The following MAP3K7 variants were observed in gnomAD, a reference collection of about 807,000 sequenced individuals.
MAP3K7 encodes TGF-beta activated kinase 1.
Under a neutral mutation model 84.8 loss-of-function variants are expected in MAP3K7, and 21 were observed. The ratio of observed to expected loss-of-function variants is 0.25; its 90% confidence interval spans 0.18 to 0.36. The LOEUF is 0.36. Among genes scored for constraint, MAP3K7 ranks in the 10% least tolerant of loss-of-function variants. MAP3K7 has a pLI of 1.00. For synonymous variants in MAP3K7, 241 were observed against 247.7 expected, an observed-to-expected ratio of 0.97 and a Z score of 0.25; for missense variants, 503 against 747.7, an observed-to-expected ratio of 0.67 and a Z score of 3.82.
At chr6:90,532,445 T>G (rs1332552573) in intron 13 of MAP3K7, among the ~76,000 whole-genome samples, 1 of 152,188 alleles carries the variant, frequency 6.6e-6, no homozygotes, top group African/African-American at 2.4e-5. Flanking sequence ...GGTCCCTATT[T>G]GCAGATAAGG....
chr6:90,586,934 C>A lies in MAP3K7; in HGVS notation c.-51G>T. 1 of 1,527,970 alleles carries A rather than the reference C, an allele frequency of 6.5e-7. No homozygotes were observed. The allele number at this position is 1,527,970 out of a possible 1,614,324, so 94.7% of individuals were successfully genotyped here. The stretch of plus-strand genomic sequence containing the variant: ...CGGGAACGGTGCCACCCGGACAATC[C>A]GGGTGAGACCCGCGCCCACCCGCCT... On this transcript the variant is annotated 5_prime_UTR_variant, in exon 1 of 17. Transcript: ENST00000369329.
At chr6:90,576,567 G>A (rs976091129) in intron 1 of MAP3K7, among the ~76,000 whole-genome samples, 1 of 152,094 alleles carries the variant, frequency 6.6e-6, no homozygotes, top group African/African-American at 2.4e-5. Flanking sequence ...AGGGCTATGC[G>A]CTATTTTAGG....
chr6:90,556,742 A>T, intron 5 of MAP3K7, 118 bp from the exon 6 acceptor site: 2 of 997,142 alleles, frequency 2.0e-6, no homozygotes, highest in Non-Finnish European at 2.8e-6. Flanking sequence ...TTATCATTCA[A>T]CTTCTGTGAA....
chr6:90,548,393 T>C (rs977893589), intron 9 of MAP3K7, among the ~76,000 whole-genome samples: 7 of 152,180 alleles, frequency 4.6e-5, no homozygotes, highest in African/African-American at 1.7e-4. Flanking sequence ...AGTCTTCTAA[T>C]AGTCAAGAAT....
rs1775226841 is a variant in MAP3K7, at chr6:90,523,660, AAGAAAC to A, written c.1462+12_1462+17del. The stretch of plus-strand genomic sequence containing the variant: ...TGACTGATTCAACTTCATAAGTATG[AAGAAAC>A]AGACTGGTCACCTGTGGAATCATCA... On this transcript the variant is annotated intron_variant, in intron 14 of 16. Transcript: ENST00000369329. The A allele has an allele frequency of 1.3e-6, 2 of 1,547,742 alleles. No homozygotes were observed. The highest frequency in any genetic ancestry group is 2.2e-5 in the South Asian group (2 of 89,592).
intron 13 of MAP3K7, among the ~76,000 whole-genome samples, chr6:90,528,079 C>T (rs1343082492): frequency 4.5e-5 from 1 of 22,408 alleles, no homozygotes; most frequent in East Asian, 5.4e-4. Context: ...GGGGTTTCAC[C>T]GTGTTAGCCA....
At chr6:90,553,366 G>C (rs765950385) in intron 7 of MAP3K7, 92 bp downstream of exon 7, 21 of 1,210,890 alleles carry the variant, frequency 1.7e-5, no homozygotes, top group Non-Finnish European at 1.6e-5. Flanking sequence ...TAATGTTAGA[G>C]ATAAATGATA....
At chr6:90,558,837 G>C (rs1311123253) in intron 5 of MAP3K7, among the ~76,000 whole-genome samples, 1 of 152,142 alleles carries the variant, frequency 6.6e-6, no homozygotes, top group South Asian at 2.1e-4. Flanking sequence ...ACTGTAACGA[G>C]GAGAAAAGGG....
intron 1 of MAP3K7, among the ~76,000 whole-genome samples, chr6:90,577,688 T>C (rs1050028199): frequency 6.6e-6 from 1 of 152,196 alleles, no homozygotes; most frequent in African/African-American, 2.4e-5. Flanking sequence ...TGAAAGCATA[T>C]GCCAGTGGCT....
At chr6:90,548,009 G>C (rs1378175877) in intron 10 of MAP3K7, 38 bp downstream of exon 10, 2 of 1,566,558 alleles carry the variant, frequency 1.3e-6, no homozygotes, top group Non-Finnish European at 8.7e-7. Flanking sequence ...GTGACTACTG[G>C]TAAGGTTACC....
chr6:90,515,220 TA>T lies in MAP3K7; in HGVS notation c.*1280del, dbSNP rs1562072049. 6.6e-6 allele frequency: 1 copy of T among 151,960 alleles called. No individual in the cohort carries two copies. 9.4% of individuals were successfully genotyped at this position (151,960 alleles called of 1,614,324 possible). A position where few individuals can be genotyped will look rare whatever the true frequency, so the allele number is the denominator to read the frequency against. On this transcript the variant is annotated 3_prime_UTR_variant, in exon 17 of 17. Coordinates refer to ENST00000369329, the MANE Select transcript of MAP3K7 (RefSeq NM_145331.3). ...ATAAAAATCAGACTGATGACATCCT[TA>T]TTTAAAAGACATCTTGTACTGGTAT...
At chr6:90,551,124 T>A (rs1776166789) in intron 8 of MAP3K7, 1 of 152,284 alleles carries the variant, frequency 6.6e-6, no homozygotes, top group Admixed American at 6.5e-5. Flanking sequence ...GTAATCTGAC[T>A]ACAGAGACTA....
intron 1 of MAP3K7, among the ~76,000 whole-genome samples, chr6:90,576,401 C>T (rs1685017393): frequency 2.7e-5 from 4 of 146,268 alleles, no homozygotes; most frequent in African/African-American, 1.0e-4. Flanking sequence ...CCAGCCTGGG[C>T]AACAGAGCTA....
At chr6:90,555,802 G>A (rs1395660655) in intron 6 of MAP3K7, among the ~76,000 whole-genome samples, 2 of 152,072 alleles carry the variant, frequency 1.3e-5, no homozygotes, top group African/African-American at 2.4e-5. Context: ...TGTTTCATGC[G>A]TATTTCTGCT....
At chr6:90,534,935 C>T (rs1484511183) in intron 13 of MAP3K7, among the ~76,000 whole-genome samples, 2 of 151,976 alleles carry the variant, frequency 1.3e-5, no homozygotes, top group Admixed American at 6.6e-5. Context: ...ACTAAATGGG[C>T]TGATTAAAAC....
At chr6:90,571,115 A>T (rs1201103032) in intron 2 of MAP3K7, among the ~76,000 whole-genome samples, 2 of 152,178 alleles carry the variant, frequency 1.3e-5, no homozygotes, top group Non-Finnish European at 2.9e-5. Flanking sequence ...TTTAATAGTG[A>T]TAAAAACATT....
intron 13 of MAP3K7, among the ~76,000 whole-genome samples, chr6:90,529,210 C>T (rs1464098537): frequency 1.3e-5 from 2 of 152,190 alleles, no homozygotes; most frequent in African/African-American, 4.8e-5. Context: ...GATTTTCTCT[C>T]CTCTTAAAAT....
chr6:90,573,477 A>G (rs2127985679), intron 1 of MAP3K7, among the ~76,000 whole-genome samples: 1 of 152,364 alleles, frequency 6.6e-6, no homozygotes, highest in East Asian at 1.9e-4. Context: ...CTCTAGCCAT[A>G]GCTTAAATTC....
At position 90,561,647 on chromosome 6, in the gene MAP3K7, A is replaced by C. The variant is rs1340670657; in HGVS notation, c.318T>G (p.Tyr106Ter). The change falls in exon 4 of 17, where the codon TAT (tyrosine) becomes TAG (stop). Residue 106 changes from tyrosine to a stop codon, truncating the protein, a stop_gained. Transcript: ENST00000369329. LOFTEE classifies it high-confidence loss of function. The part of the protein sequence containing the change: ...CLNPVCLVME[Y>*]AEGGSLYNVL... ...CATTATATAAAGAGCCCCCTTCAGC[A>C]TATTCCATCACAAGACACACCTAAA... The C allele has an allele frequency of 6.2e-7, 1 of 1,612,040 alleles. No homozygotes were observed. Among genetic ancestry groups the C allele is most frequent in the East Asian group, 2.2e-5 (1 of 44,806 alleles).
Sources: allele counts gnomAD v4.1 joint callset (sites outside exome capture counted in the v4.1 genomes callset), GRCh38; gene constraint gnomAD v4.1.1; transcripts MANE v1.5; gene names NCBI Gene and HGNC (gene_info 2026-07-23, HGNC 2026-07-21).